IL19: variants seen among roughly 807,000 people sequenced by gnomAD.
The protein encoded by IL19 is interleukin 19.
IL19 carries 15 observed loss-of-function variants against 19.5 expected under a neutral mutation model. The ratio of observed to expected loss-of-function variants is 0.77; its 90% confidence interval spans 0.52 to 1.19. The LOEUF (loss-of-function observed/expected upper bound fraction) is 1.19, where lower values mean the gene tolerates loss of function less well. Among genes scored for constraint, IL19 ranks in the 50% most tolerant of loss-of-function variants. The probability of loss-of-function intolerance (pLI) is 0.00; values close to 1 mark genes in which losing one functional copy is unlikely to be tolerated. For missense variants in IL19, 199 were observed against 213.1 expected, an observed-to-expected ratio of 0.93 and a Z score of 0.41; for synonymous variants, 78 against 78.3, an observed-to-expected ratio of 1.00 and a Z score of 0.02.
At chr1:206,813,154 C>T (rs1676061834) in intron 2 of IL19, among the ~76,000 whole-genome samples, 1 of 152,178 alleles carries the variant, frequency 6.6e-6, no homozygotes, top group Non-Finnish European at 1.5e-5. Context: ...GTTCTAAACC[C>T]AACCTTCTAT....
chr1:206,795,936 T>TGTGTGTGTGTGC (rs1675512198), intron 1 of IL19, among the ~76,000 whole-genome samples: 1 of 142,554 alleles, frequency 7.0e-6, no homozygotes, highest in African/African-American at 2.5e-5. Context: ...TATGTGTGTG[T>TGTGTGTGTGTGC]GTGTGTGTGT....
intron 1 of IL19, among the ~76,000 whole-genome samples, chr1:206,775,684 T>C (rs1674975583): frequency 6.6e-6 from 1 of 152,222 alleles, no homozygotes; most frequent in Admixed American, 6.5e-5. Flanking sequence ...TGAAGATACC[T>C]GTTCATCTGA....
Position 206,842,683 on chromosome 1 carries a change from G to A in IL19, c.*61G>A. On this transcript the variant is annotated 3_prime_UTR_variant, in exon 7 of 7. Coordinates refer to ENST00000659997, the MANE Select transcript of IL19 (RefSeq NM_153758.5). The stretch of plus-strand genomic sequence containing the variant: ...ACCCCCTGTGCGGTTTACTGTGGGA[G>A]ACAGCCCACCTTGAAGGGGAAGGAG... The A allele has an allele frequency of 9.9e-7, 1 of 1,007,340 alleles. No individual in the cohort carries two copies. The highest frequency in any genetic ancestry group is 1.5e-6 in the Non-Finnish European group (1 of 661,356). 62.4% of individuals were successfully genotyped at this position (1,007,340 alleles called of 1,614,324 possible).
intron 1 of IL19, 102 bp downstream of exon 1, chr1:206,771,180 C>G: frequency 8.0e-7 from 1 of 1,254,834 alleles, no homozygotes; most frequent in Admixed American, 1.7e-5. Context: ...GAAGCCTCCC[C>G]GAAGGGACTG....
chr1:206,808,825 C>A (rs1402606096), intron 2 of IL19, among the ~76,000 whole-genome samples: 1 of 152,112 alleles, frequency 6.6e-6, no homozygotes, highest in African/African-American at 2.4e-5. Flanking sequence ...ATAAGGACCC[C>A]TTGTGGTGCA....
At chr1:206,816,003 G>A (rs1676145908) in intron 2 of IL19, among the ~76,000 whole-genome samples, 2 of 152,046 alleles carry the variant, frequency 1.3e-5, no homozygotes, top group South Asian at 4.1e-4. Flanking sequence ...AGAACCTACT[G>A]ATGACATTGA....
chr1:206,823,182 G>C (rs544916485), intron 2 of IL19, among the ~76,000 whole-genome samples: 1 of 151,920 alleles, frequency 6.6e-6, no homozygotes, highest in Non-Finnish European at 1.5e-5. Flanking sequence ...CACTAGCCTC[G>C]GCATCCCAAA....
At chr1:206,772,203 G>T in intron 1 of IL19, 1 of 1,417,924 alleles carries the variant, frequency 7.1e-7, no homozygotes, top group Non-Finnish European at 1.0e-6. Flanking sequence ...GGTTCTTATA[G>T]TTCCAGGAGA....
intron 1 of IL19, among the ~76,000 whole-genome samples, chr1:206,785,369 T>A (rs1675244806): frequency 6.6e-6 from 1 of 152,144 alleles, no homozygotes; most frequent in African/African-American, 2.4e-5. Context: ...TTGTGAGAAA[T>A]CCTTTACGAA....
At chr1:206,774,083 G>C (rs950459858) in intron 1 of IL19, among the ~76,000 whole-genome samples, 1 of 152,222 alleles carries the variant, frequency 6.6e-6, no homozygotes, top group Non-Finnish European at 1.5e-5. Context: ...TGCTGCACTA[G>C]AGAAGGTCAC....
chr1:206,832,421 A>G (rs546649341), intron 2 of IL19, among the ~76,000 whole-genome samples: 2 of 152,358 alleles, frequency 1.3e-5, no homozygotes, highest in African/African-American at 4.8e-5. Flanking sequence ...CATATTGCTC[A>G]ACTCCATGGA....
At chr1:206,793,696 A>G (rs141027345) in intron 1 of IL19, among the ~76,000 whole-genome samples, 6 of 152,360 alleles carry the variant, frequency 3.9e-5, no homozygotes, top group Non-Finnish European at 7.3e-5. Context: ...AACAACAGAA[A>G]AAAACACGAG....
chr1:206,782,752 G>C (rs1189377575), intron 1 of IL19, among the ~76,000 whole-genome samples: 2 of 152,168 alleles, frequency 1.3e-5, no homozygotes, highest in African/African-American at 4.8e-5. Flanking sequence ...CCAGGCCTAG[G>C]ACTAGGTTCT....
intron 2 of IL19, among the ~76,000 whole-genome samples, chr1:206,810,928 C>T (rs1043689676): frequency 6.6e-6 from 1 of 152,166 alleles, no homozygotes; most frequent in African/African-American, 2.4e-5. Flanking sequence ...TCCTATCTCA[C>T]CATGTAACAT....
chr1:206,818,693 A>T (rs1448329867), intron 2 of IL19, among the ~76,000 whole-genome samples: 1 of 152,256 alleles, frequency 6.6e-6, no homozygotes, highest in Non-Finnish European at 1.5e-5. Context: ...CTTTCGTTAC[A>T]ATAAAAAGTC....
At chr1:206,826,473 G>A (rs1676435531) in intron 2 of IL19, among the ~76,000 whole-genome samples, 1 of 152,210 alleles carries the variant, frequency 6.6e-6, no homozygotes, top group Non-Finnish European at 1.5e-5. Context: ...GTGGATGCAA[G>A]ATGCAGTCCT....
At chr1:206,801,128 A>G (rs1200185119) in intron 2 of IL19, among the ~76,000 whole-genome samples, 1 of 151,136 alleles carries the variant, frequency 6.6e-6, no homozygotes, top group East Asian at 2.0e-4. Context: ...AAATTTTGCA[A>G]TTGAATTTAA....
intron 1 of IL19, among the ~76,000 whole-genome samples, chr1:206,790,846 C>A (rs547903266): frequency 6.6e-6 from 1 of 152,336 alleles, no homozygotes; most frequent in Admixed American, 6.5e-5. Flanking sequence ...CATGCCTCAA[C>A]CTAAGGCAGT....
intron 1 of IL19, chr1:206,772,528 T>A: frequency 1.6e-6 from 2 of 1,222,384 alleles, no homozygotes; most frequent in South Asian, 1.2e-5. Flanking sequence ...TTTTATATTG[T>A]AAGCTCAGGG....
Sources: gnomAD v4.1 joint callset for allele counts (sites outside exome capture counted in the v4.1 genomes callset) on GRCh38, gnomAD v4.1.1 for gene constraint, MANE v1.5 for transcripts, NCBI Gene and HGNC (gene_info 2026-07-23, HGNC 2026-07-21) for gene names.